The following CREB5 variants were observed in gnomAD, a reference collection of about 807,000 sequenced individuals.
CREB5 encodes cyclic AMP-responsive element-binding protein 5.
In CREB5, 19 loss-of-function variants were observed where a neutral mutation model predicts 57.1. The observed-to-expected ratio is 0.33, with a 90% CI of 0.23 to 0.49. CREB5 has a LOEUF of 0.49. Among genes scored for constraint, CREB5 ranks in the 20% least tolerant of loss-of-function variants. CREB5 has a pLI of 0.99. For missense variants in CREB5, 579 were observed against 671.6 expected (o/e 0.86, Z 1.52); for synonymous variants, 238 against 238.3 (o/e 1.00, Z 0.01).
At chr7:28,598,446 G>T (rs1206510478) in intron 5 of CREB5, among the ~76,000 whole-genome samples, 1 of 152,204 alleles carries the variant, frequency 6.6e-6, no homozygotes, top group Non-Finnish European at 1.5e-5. Flanking sequence ...TCTTTTGTGT[G>T]TGGTGGGGTG....
chr7:28,607,319 A>G (rs1797175594), intron 5 of CREB5, among the ~76,000 whole-genome samples: 1 of 152,164 alleles, frequency 6.6e-6, no homozygotes, highest in Non-Finnish European at 1.5e-5. Context: ...GACTGAATGC[A>G]AGGAGAAATA....
At chr7:28,545,321 G>A (rs556940213) in intron 4 of CREB5, among the ~76,000 whole-genome samples, 3 of 152,268 alleles carry the variant, frequency 2.0e-5, no homozygotes, top group African/African-American at 7.2e-5. Flanking sequence ...CTTGGGGATC[G>A]CATATCTTTT....
At chr7:28,369,944 C>T (rs538727604) in intron 1 of CREB5, among the ~76,000 whole-genome samples, 2 of 152,226 alleles carry the variant, frequency 1.3e-5, no homozygotes, top group African/African-American at 2.4e-5. Context: ...TGAATAGGGC[C>T]GTGGTTATCA....
chr7:28,708,104 T>C (rs1015774256), intron 5 of CREB5, among the ~76,000 whole-genome samples: 11 of 152,212 alleles, frequency 7.2e-5, no homozygotes, highest in African/African-American at 2.7e-4. Flanking sequence ...GTGATTGAGA[T>C]AGAGCCTGAA....
At chr7:28,622,811 A>G (rs767592826) in intron 5 of CREB5, among the ~76,000 whole-genome samples, 1 of 152,032 alleles carries the variant, frequency 6.6e-6, no homozygotes, top group Non-Finnish European at 1.5e-5. Context: ...ACTTCAGCCC[A>G]TGGTTTCAAG....
At chr7:28,618,100 C>T (rs1159536165) in intron 5 of CREB5, among the ~76,000 whole-genome samples, 2 of 152,114 alleles carry the variant, frequency 1.3e-5, no homozygotes, top group African/African-American at 4.8e-5. Flanking sequence ...AAGGAGATGG[C>T]ATTGATGCTG....
intron 5 of CREB5, among the ~76,000 whole-genome samples, chr7:28,673,070 T>C (rs1800130744): frequency 6.6e-6 from 1 of 152,200 alleles, no homozygotes; most frequent in African/African-American, 2.4e-5. Context: ...AGGATTGATT[T>C]AGACCCAGTG....
intron 4 of CREB5, among the ~76,000 whole-genome samples, chr7:28,558,764 C>T (rs1050255388): frequency 2.0e-5 from 3 of 152,178 alleles, no homozygotes; most frequent in Admixed American, 1.3e-4. Context: ...GAGAGTGCTA[C>T]ATTTATATTT....
chr7:28,476,764 A>T (rs1016589516), intron 1 of CREB5, among the ~76,000 whole-genome samples: 2 of 152,202 alleles, frequency 1.3e-5, no homozygotes, highest in African/African-American at 4.8e-5. Context: ...GGGGTTATAT[A>T]TGTGTTTGCA....
intron 10 of CREB5, 183 bp from the exon 11 acceptor site, chr7:28,818,933 C>T (rs1809597273): frequency 1.5e-6 from 1 of 654,260 alleles, no homozygotes; most frequent in South Asian, 1.9e-5. Context: ...ACTGGAAAGG[C>T]ATAGCATTGT....
chr7:28,421,823 CAT>C (rs140322574), intron 1 of CREB5, among the ~76,000 whole-genome samples: 4 of 143,378 alleles, frequency 2.8e-5, no homozygotes, highest in Non-Finnish European at 6.0e-5. Flanking sequence ...ATATAGTGTG[CAT>C]ATATATATAC....
intron 1 of CREB5, among the ~76,000 whole-genome samples, chr7:28,463,959 A>G (rs1193404866): frequency 6.6e-6 from 1 of 152,198 alleles, no homozygotes; most frequent in African/African-American, 2.4e-5. Flanking sequence ...TCAGTGAAAT[A>G]GAAGTAGTGA....
rs150591923 is a variant in CREB5 at position 28,571,466 on chromosome 7, C to G, written c.464+929C>G. 3.9e-5 allele frequency among the ~76,000 whole-genome samples: 6 copies of G among 152,194 alleles called. No homozygotes were observed. In the East Asian group the frequency reaches 1.2e-3, roughly 29 times the overall value. On this transcript the variant is annotated intron_variant, in intron 5 of 10. Transcript: ENST00000357727. ...GGTCCATGCTGATTTCTGGAGTAGA[C>G]AAAGCAAAGAAAGCAGGCCCCTCTC...
chr7:28,364,300 A>G (rs1487611876), intron 1 of CREB5, among the ~76,000 whole-genome samples: 5 of 152,326 alleles, frequency 3.3e-5, no homozygotes, highest in Admixed American at 2.0e-4. Context: ...ACATACCCAA[A>G]TTGCAGGAAC....
chr7:28,487,705 C>T (rs976113383), intron 1 of CREB5, among the ~76,000 whole-genome samples: 3 of 152,198 alleles, frequency 2.0e-5, no homozygotes, highest in Non-Finnish European at 4.4e-5. Context: ...TGTCTCATTT[C>T]ACCTGTTGCT....
intron 1 of CREB5, among the ~76,000 whole-genome samples, chr7:28,459,128 T>A (rs1407842576): frequency 6.6e-6 from 1 of 152,202 alleles, no homozygotes; most frequent in Admixed American, 6.5e-5. Context: ...CCAGTGAAAG[T>A]GGGCTTTATT....
intron 5 of CREB5, among the ~76,000 whole-genome samples, chr7:28,595,014 A>C (rs1009707667): frequency 1.3e-5 from 2 of 152,116 alleles, no homozygotes; most frequent in African/African-American, 4.8e-5. Flanking sequence ...AACTTTAGTC[A>C]TTCATTGAAT....
intron 2 of CREB5, among the ~76,000 whole-genome samples, chr7:28,492,447 C>G (rs959799237): frequency 6.6e-6 from 1 of 152,074 alleles, no homozygotes; most frequent in South Asian, 2.1e-4. Flanking sequence ...TTCCAGTGGC[C>G]TTTCTCAGCT....
At chr7:28,775,226 C>T (rs2128779283) in intron 7 of CREB5, among the ~76,000 whole-genome samples, 1 of 152,172 alleles carries the variant, frequency 6.6e-6, no homozygotes, top group South Asian at 2.1e-4. Flanking sequence ...CACAATCCCT[C>T]CTGCTTCCTC....
Sources: gnomAD v4.1 joint callset for allele counts (sites outside exome capture counted in the v4.1 genomes callset) on GRCh38, gnomAD v4.1.1 for gene constraint, MANE v1.5 for transcripts, NCBI Gene and HGNC (gene_info 2026-07-23, HGNC 2026-07-21) for gene names.